EPHA6: variants seen among roughly 807,000 people sequenced by gnomAD.
EPHA6 encodes EPH receptor A6, also known as ephrin type-A receptor 6.
EPHA6 carries 50 observed loss-of-function variants against 112.0 expected under a neutral mutation model. The ratio of observed to expected loss-of-function variants is 0.45; its 90% CI spans 0.36 to 0.56. The LOEUF is 0.56. Among genes scored for constraint, EPHA6 ranks in the 20% least tolerant of loss-of-function variants. EPHA6 has a pLI of 0.00. For synonymous variants in EPHA6, 529 were observed against 490.7 expected (o/e 1.08, Z -1.03); for missense variants, 1,280 against 1,417.4 (o/e 0.90, Z 1.56).
intron 10 of EPHA6, among the ~76,000 whole-genome samples, chr3:97,522,427 ATGTGCTGT>A (rs767406271): frequency 2.3e-4 from 35 of 152,182 alleles, no homozygotes; most frequent in Non-Finnish European, 5.0e-4. Context: ...GACTATTTTT[ATGTGCTGT>A]TGAATCTGAT....
chr3:96,985,336 A>G (rs1476948714), intron 2 of EPHA6, among the ~76,000 whole-genome samples: 1 of 152,212 alleles, frequency 6.6e-6, no homozygotes, highest in African/African-American at 2.4e-5. Flanking sequence ...TCATTGGATG[A>G]GTACTTTAGA....
intron 2 of EPHA6, among the ~76,000 whole-genome samples, chr3:96,933,924 T>A (rs2040456064): frequency 6.6e-6 from 1 of 151,940 alleles, no homozygotes; most frequent in South Asian, 2.1e-4. Flanking sequence ...TTGGAAGAAA[T>A]GGCTTGGTAT....
chr3:96,846,749 C>T (rs2035096596), intron 1 of EPHA6, among the ~76,000 whole-genome samples: 1 of 151,996 alleles, frequency 6.6e-6, no homozygotes, highest in Non-Finnish European at 1.5e-5. Context: ...TTGCCGGAAA[C>T]CCATGGTTTC....
In EPHA6 at chr3:97,220,128, C is replaced by A. The variant is rs539989557; in HGVS notation, c.1115-6136C>A. Among the ~76,000 whole-genome samples, 4 of 152,328 alleles carry A rather than the reference C, an allele frequency of 2.6e-5. No individual in the cohort carries two copies. In the South Asian group the frequency reaches 6.2e-4, roughly 24 times the overall value. On this transcript the variant is annotated intron_variant, in intron 3 of 17. Transcript: ENST00000389672. ...AGCTCCTCATCTCCATCTGAGCCCA[C>A]CTCAGCCTTGACTTAATTGTCCGTA...
At chr3:97,549,839 T>TA (rs888516132) in intron 11 of EPHA6, among the ~76,000 whole-genome samples, 168 of 151,668 alleles carry the variant, frequency 1.1e-3, no homozygotes, top group African/African-American at 2.0e-3. Flanking sequence ...TAAAATAAAA[T>TA]AAATAAAATA....
intron 5 of EPHA6, among the ~76,000 whole-genome samples, chr3:97,345,133 G>A (rs574850529): frequency 3.3e-5 from 5 of 152,158 alleles, no homozygotes; most frequent in South Asian, 2.1e-4. Context: ...TATTTCACAT[G>A]TACATAACAT....
In EPHA6 at chr3:96,987,650, T is replaced by C. The variant is rs1474412579; in HGVS notation, c.771T>C (p.Gly257=). The C allele has an allele frequency of 1.2e-6, 2 of 1,608,672 alleles. No homozygotes were observed. Among genetic ancestry groups the C allele is most frequent in the South Asian group, 1.1e-5 (1 of 90,826 alleles). The change falls in exon 3 of 18, where the codon GGT becomes GGC. Residue 257 remains glycine, a synonymous_variant. Coordinates refer to ENST00000389672, the MANE Select transcript of EPHA6 (RefSeq NM_001080448.3). ...AGAGTTTTACCCAGATGGATTTGGG[T>C]GATCGCATCCTCAAACTCAACACTG... is the stretch of plus-strand genomic sequence containing the variant. ...ADESFTQMDL[G]DRILKLNTEI...
rs1344184781 is a variant in EPHA6 at position 96,965,974 on chromosome 3, A to G, written c.451-21356A>G. 2.0e-5 allele frequency among the ~76,000 whole-genome samples: 3 copies of G among 152,042 alleles called. 1 individual carries two copies. Among genetic ancestry groups the G allele is most frequent in the Admixed American group, 6.6e-5 (1 of 15,238 alleles). On this transcript the variant is annotated intron_variant, in intron 2 of 17. Coordinates refer to ENST00000389672, the MANE Select transcript of EPHA6 (RefSeq NM_001080448.3). ...AAACATGGTCTTGTTTGAGCTCTGT[A>G]TTCTGTTCCATGATCTATTTCTCTG... is the stretch of plus-strand genomic sequence containing the variant.
intron 1 of EPHA6, among the ~76,000 whole-genome samples, chr3:96,833,605 A>T (rs746133749): frequency 6.6e-6 from 1 of 152,004 alleles, no homozygotes; most frequent in Admixed American, 6.6e-5. Context: ...GATGGAGTGG[A>T]TATATCATCT....
chr3:97,600,890 C>T (rs368946908), intron 12 of EPHA6, among the ~76,000 whole-genome samples: 1 of 151,542 alleles, frequency 6.6e-6, no homozygotes, highest in African/African-American at 2.4e-5. Flanking sequence ...TCCAGAAAGA[C>T]ATGAAAAATC....
At chr3:97,683,563 G>A (rs1164959988) in intron 14 of EPHA6, among the ~76,000 whole-genome samples, 4 of 152,058 alleles carry the variant, frequency 2.6e-5, no homozygotes, top group Non-Finnish European at 5.9e-5. Flanking sequence ...AGAGGAGAGT[G>A]GCTGGCAAAA....
intron 3 of EPHA6, among the ~76,000 whole-genome samples, chr3:97,213,866 T>C (rs1400295654): frequency 6.6e-6 from 1 of 152,180 alleles, no homozygotes; most frequent in Non-Finnish European, 1.5e-5. Context: ...TATATTTATG[T>C]AGGTCTAATG....
chr3:97,452,810 T>C (rs2090571337), intron 7 of EPHA6, among the ~76,000 whole-genome samples: 1 of 151,722 alleles, frequency 6.6e-6, no homozygotes, highest in African/African-American at 2.4e-5. Context: ...CTTTTTGGCT[T>C]ATACAGCTAT....
chr3:97,408,604 C>T lies in EPHA6; in HGVS notation c.1731+3330C>T, dbSNP rs116582238. Among the ~76,000 whole-genome samples, 238 of 152,126 alleles carry T rather than the reference C, an allele frequency of 1.6e-3. 1 individual carries two copies. The highest frequency in any genetic ancestry group is 2.5e-3 in the Non-Finnish European group (170 of 67,974). Reference sequence around the variant, plus strand: ...GTTTTGGAAAGCAGGAAGTTCAAGGCCAAGGCTCCAGAAGCTTTGGCATTG... The same window carrying T: ...GTTTTGGAAAGCAGGAAGTTCAAGGTCAAGGCTCCAGAAGCTTTGGCATTG... On this transcript the variant is annotated intron_variant, in intron 6 of 17. Transcript: ENST00000389672.
chr3:97,305,589 C>G (rs948748852), intron 5 of EPHA6, among the ~76,000 whole-genome samples: 2 of 151,910 alleles, frequency 1.3e-5, no homozygotes, highest in African/African-American at 2.4e-5. Flanking sequence ...GAGCTGGAAG[C>G]CTTTATCCTC....
At chr3:97,335,101 T>C (rs916235968) in intron 5 of EPHA6, among the ~76,000 whole-genome samples, 3 of 152,166 alleles carry the variant, frequency 2.0e-5, no homozygotes, top group Non-Finnish European at 2.9e-5. Context: ...CCAAAATTCA[T>C]ATGTTGAGGA....
chr3:96,994,693 A>ATGTGTG (rs1255806171), intron 3 of EPHA6, among the ~76,000 whole-genome samples: 1 of 109,904 alleles, frequency 9.1e-6, no homozygotes, highest in African/African-American at 4.0e-5. Flanking sequence ...GTGTGTGTGT[A>ATGTGTG]TGTGTGTGTG....
chr3:97,213,806 CA>C (rs2077947627), intron 3 of EPHA6, among the ~76,000 whole-genome samples: 1 of 152,098 alleles, frequency 6.6e-6, no homozygotes, highest in Non-Finnish European at 1.5e-5. Context: ...CTTTCTGGAA[CA>C]AGAGCATTTT....
intron 3 of EPHA6, among the ~76,000 whole-genome samples, chr3:97,009,634 C>A (rs1387496616): frequency 2.6e-5 from 4 of 152,230 alleles, no homozygotes; most frequent in Non-Finnish European, 1.5e-5. Context: ...GTTGCCCCTC[C>A]CCCAAGGAGT....
Sources: allele counts gnomAD v4.1 joint callset (sites outside exome capture counted in the v4.1 genomes callset), GRCh38; gene constraint gnomAD v4.1.1; transcripts MANE v1.5; gene names NCBI Gene and HGNC (gene_info 2026-07-23, HGNC 2026-07-21).